The following CEP112 variants were observed in gnomAD, a reference collection of about 807,000 sequenced individuals.
The protein encoded by CEP112 is centrosomal protein of 112 kDa.
Under a neutral mutation model 153.0 loss-of-function variants are expected in CEP112, and 127 were observed. The observed-to-expected ratio is 0.83, with a 90% CI of 0.72 to 0.96. CEP112 has a LOEUF of 0.96. CEP112 is among the 40% of genes least tolerant of loss of function. The pLI is 0.00. For missense variants in CEP112, 1,089 were observed against 1,101.2 expected (o/e 0.99, Z 0.16); for synonymous variants, 358 against 374.4 (o/e 0.96, Z 0.51).
In CEP112 at chr17:65,754,115, AAGAG is replaced by A. The variant is rs372977711; in HGVS notation, c.2395-3395_2395-3392del. 9.8e-5 allele frequency among the ~76,000 whole-genome samples: 15 copies of A among 152,350 alleles called. No individual in the cohort carries two copies. The East Asian group carries it at 1.3e-3, about 14-fold the overall frequency. ...GCCTATGGAGAAGTATCAATCAAGA[AAGAG>A]AGAGAGGAAGTGATAAAAGTTAGGG... On this transcript the variant is annotated intron_variant, in intron 21 of 26. Transcript: ENST00000535342.
chr17:65,913,721 C>G (rs2060369542), intron 19 of CEP112: 1 of 985,356 alleles, frequency 1.0e-6, no homozygotes, highest in South Asian at 4.7e-5. Context: ...TCCTCTCCAG[C>G]CAACCATCAA....
rs193297614 is a variant in CEP112, at chr17:66,161,616, T to C, written c.470+13428A>G. On this transcript the variant is annotated intron_variant, in intron 4 of 26. Coordinates refer to ENST00000535342, the MANE Select transcript of CEP112 (RefSeq NM_001199165.4). Reference sequence around the variant, plus strand: ...ACCAAACACCGCATGTTCTCACTCATAAGTGGGAGTTGAACATGAGAACAC... The same window carrying C: ...ACCAAACACCGCATGTTCTCACTCACAAGTGGGAGTTGAACATGAGAACAC... 1.5e-4 allele frequency among the ~76,000 whole-genome samples: 23 copies of C among 151,956 alleles called. No individual in the cohort carries two copies. In the East Asian group the frequency reaches 3.9e-3, roughly 26 times the overall value.
At chr17:66,139,622 AG>A (rs2070598413) in intron 4 of CEP112, among the ~76,000 whole-genome samples, 2 of 152,102 alleles carry the variant, frequency 1.3e-5, no homozygotes, top group Admixed American at 1.3e-4. Context: ...GAAAAAAAAA[AG>A]TTATAAAAAG....
At chr17:65,809,856 G>A (rs1057351066) in intron 21 of CEP112, among the ~76,000 whole-genome samples, 2 of 152,168 alleles carry the variant, frequency 1.3e-5, no homozygotes, top group Middle Eastern at 3.4e-3. Context: ...AGGAAGTGGG[G>A]GGGGGAAGAT....
chr17:65,731,253 AAGTGT>A (rs1164882133), intron 23 of CEP112, among the ~76,000 whole-genome samples: 1 of 152,142 alleles, frequency 6.6e-6, no homozygotes, highest in Non-Finnish European at 1.5e-5. Flanking sequence ...CACTGTAATA[AAGTGT>A]ATACCATGAT....
At position 65,920,362 on chromosome 17, in the gene CEP112, A is replaced by AATATATATATATAT. The variant is rs55934550; in HGVS notation, c.1980+7206_1980+7219dup. Among the ~76,000 whole-genome samples, 287 of 42,654 alleles carry AATATATATATATAT rather than the reference A, an allele frequency of 6.7e-3. 3 individuals are homozygous for AATATATATATATAT. The highest frequency in any genetic ancestry group is 8.4e-3 in the Non-Finnish European group (184 of 21,958). 28.0% of individuals were successfully genotyped at this position (42,654 alleles called of 152,430 possible). ...ACTCTGTCTAAAAACAAACAAACAAAATATATATATATATATATATATATA... is the reference window on the plus strand; with the variant it reads ...ACTCTGTCTAAAAACAAACAAACAAAATATATATATATATATATATATATATATATATATATATA... On this transcript the variant is annotated intron_variant, in intron 19 of 26. Transcript: ENST00000535342.
intron 18 of CEP112, among the ~76,000 whole-genome samples, chr17:65,938,405 A>C: frequency 7.0e-6 from 1 of 142,412 alleles, no homozygotes; most frequent in African/African-American, 2.6e-5. Flanking sequence ...AACACCCAAG[A>C]ATGATCAATA....
intron 17 of CEP112, among the ~76,000 whole-genome samples, chr17:66,004,297 T>C (rs2052330): frequency 0.41 from 61,947 of 151,220 alleles, 14,074 homozygotes; most frequent in East Asian, 0.87. Flanking sequence ...CTGACCAACA[T>C]AGTGAAACCC....
chr17:65,698,038 G>GT (rs1215428931), intron 23 of CEP112, among the ~76,000 whole-genome samples: 9 of 150,844 alleles, frequency 6.0e-5, no homozygotes, highest in Admixed American at 3.3e-4. Context: ...CAGGTTTTCA[G>GT]TTTTTTTTCA....
chr17:65,972,655 A>ATT (rs2062884780), intron 17 of CEP112, among the ~76,000 whole-genome samples: 1 of 152,246 alleles, frequency 6.6e-6, no homozygotes, highest in South Asian at 2.1e-4. Context: ...GAAAAAAAGA[A>ATT]ACAATACAAA....
At chr17:65,703,259 G>A (rs2144616766) in intron 23 of CEP112, among the ~76,000 whole-genome samples, 1 of 152,132 alleles carries the variant, frequency 6.6e-6, no homozygotes, top group Non-Finnish European at 1.5e-5. Flanking sequence ...CAGCCACAGT[G>A]GCTCACACTT....
chr17:65,674,223 T>C (rs1041770761), intron 24 of CEP112, among the ~76,000 whole-genome samples: 1 of 152,178 alleles, frequency 6.6e-6, no homozygotes, highest in African/African-American at 2.4e-5. Context: ...TAGAAACAAT[T>C]AGCAATAAAT....
At position 65,635,830 on chromosome 17, in the gene CEP112, A is replaced by C; in HGVS notation, c.*141T>G. On this transcript the variant is annotated 3_prime_UTR_variant, in exon 27 of 27. Coordinates refer to ENST00000535342, the MANE Select transcript of CEP112 (RefSeq NM_001199165.4). ...CACCCCACTAGTGTATGAATGATGC[A>C]TGTTTTTATGATCTTAATTACATTT... 1.2e-6 allele frequency: 1 copy of C among 846,800 alleles called. No homozygotes were observed. Among genetic ancestry groups the C allele is most frequent in the Admixed American group, 2.7e-5 (1 of 37,616 alleles). 52.5% of individuals were successfully genotyped at this position (846,800 alleles called of 1,614,324 possible).
intron 21 of CEP112, among the ~76,000 whole-genome samples, chr17:65,830,791 T>C (rs1417968642): frequency 2.6e-5 from 4 of 152,224 alleles, no homozygotes; most frequent in Non-Finnish European, 5.9e-5. Context: ...TAGGAAACAA[T>C]GGCAGGTCAG....
At chr17:65,681,959 C>A (rs538677106) in intron 24 of CEP112, among the ~76,000 whole-genome samples, 88 of 152,040 alleles carry the variant, frequency 5.8e-4, no homozygotes, top group African/African-American at 2.1e-3. Flanking sequence ...GGATTACAGG[C>A]ATGAGTCACC....
intron 20 of CEP112, among the ~76,000 whole-genome samples, chr17:65,866,891 G>T (rs1255810438): frequency 6.6e-6 from 1 of 152,064 alleles, no homozygotes; most frequent in African/African-American, 2.4e-5. Flanking sequence ...CCCTCCACTT[G>T]TCTGCATACC....
At chr17:66,181,144 A>G (rs2072702912) in intron 2 of CEP112, among the ~76,000 whole-genome samples, 1 of 152,184 alleles carries the variant, frequency 6.6e-6, no homozygotes, top group African/African-American at 2.4e-5. Context: ...GCATTCCTCT[A>G]TGTAAAATAA....
chr17:65,852,261 C>G, intron 20 of CEP112, among the ~76,000 whole-genome samples: 1 of 75,874 alleles, frequency 1.3e-5, no homozygotes, highest in South Asian at 6.6e-4. Flanking sequence ...GTTCCCTTTC[C>G]TTCCCTCCCT....
chr17:65,913,451 T>C (rs1481304412), intron 19 of CEP112: 2 of 969,694 alleles, frequency 2.1e-6, no homozygotes, highest in Non-Finnish European at 1.2e-6. Context: ...CTGGTCTTAC[T>C]TTCTGAACAC....
Sources: gnomAD v4.1 joint callset for allele counts (sites outside exome capture counted in the v4.1 genomes callset) on GRCh38, gnomAD v4.1.1 for gene constraint, MANE v1.5 for transcripts, NCBI Gene and HGNC (gene_info 2026-07-23, HGNC 2026-07-21) for gene names.